Variants in KLHL3 observed in about 807,000 individuals in gnomAD.
KLHL3 encodes the protein kelch like family member 3.
KLHL3 carries 19 observed loss-of-function variants against 70.5 expected under a neutral mutation model. The ratio of observed to expected loss-of-function variants is 0.27; its 90% confidence interval spans 0.19 to 0.40. The LOEUF is 0.40. Ranked by LOEUF, KLHL3 falls within the 10% of genes least tolerant of loss-of-function variation. The pLI is 1.00. For synonymous variants in KLHL3, 258 were observed against 290.3 expected (o/e 0.89, Z 1.13); for missense variants, 512 against 771.1 (o/e 0.66, Z 3.98).
At chr5:137,733,164 C>T (rs950836149) in intron 1 of KLHL3, among the ~76,000 whole-genome samples, 6 of 152,128 alleles carry the variant, frequency 3.9e-5, no homozygotes, top group East Asian at 3.9e-4. Context: ...TGATCCTAGG[C>T]GAGTCACTCA....
chr5:137,710,418 A>G (rs1257383823), intron 2 of KLHL3, among the ~76,000 whole-genome samples: 4 of 152,074 alleles, frequency 2.6e-5, no homozygotes, highest in Non-Finnish European at 4.4e-5. Flanking sequence ...CTCCCTAAAG[A>G]CCCTGTGCAA....
rs138270268 is a variant in KLHL3 at position 137,624,665 on chromosome 5, C to T, written c.1735+1088G>A. Among the ~76,000 whole-genome samples, 21 of 152,298 alleles carry T rather than the reference C, an allele frequency of 1.4e-4. No homozygotes were observed. In the East Asian group the frequency reaches 2.9e-3, roughly 21 times the overall value. On this transcript the variant is annotated intron_variant, in intron 14 of 14. Coordinates refer to ENST00000309755, the MANE Select transcript of KLHL3 (RefSeq NM_017415.3). ...GGAATCGGAAGAATATTCCTGGAGT[C>T]GTGGTATGGATTAAAAGAGATAATG...
intron 11 of KLHL3, 150 bp from the exon 12 acceptor site, chr5:137,634,315 C>T: frequency 1.3e-6 from 1 of 791,722 alleles, no homozygotes. Context: ...TACTCCTCAA[C>T]CAAGCAAAGC....
At chr5:137,684,008 G>A (rs1332567327) in intron 5 of KLHL3, among the ~76,000 whole-genome samples, 6 of 152,184 alleles carry the variant, frequency 3.9e-5, no homozygotes, top group African/African-American at 1.4e-4. Context: ...AGAGAGGCAG[G>A]AGTGAGGCAA....
chr5:137,719,522 G>A (rs1752957307), intron 2 of KLHL3, among the ~76,000 whole-genome samples: 1 of 152,238 alleles, frequency 6.6e-6, no homozygotes, highest in Non-Finnish European at 1.5e-5. Context: ...AAGAGATCGT[G>A]TCCACAGGCT....
At chr5:137,726,916 T>C (rs1753094134) in intron 1 of KLHL3, among the ~76,000 whole-genome samples, 1 of 152,058 alleles carries the variant, frequency 6.6e-6, no homozygotes, top group Non-Finnish European at 1.5e-5. Flanking sequence ...ATACATAAAA[T>C]AGTAATTATA....
At chr5:137,721,457 T>G (rs1194715654) in intron 1 of KLHL3, 2 of 152,256 alleles carry the variant, frequency 1.3e-5, no homozygotes, top group Non-Finnish European at 2.9e-5. Flanking sequence ...TAAACAAATC[T>G]GTGTTTTAGA....
intron 5 of KLHL3, among the ~76,000 whole-genome samples, chr5:137,690,590 A>G (rs1752295829): frequency 6.6e-6 from 1 of 152,146 alleles, no homozygotes; most frequent in Non-Finnish European, 1.5e-5. Context: ...CACAAAAATC[A>G]TCATATCAAG....
rs998885435 is a variant in KLHL3, at chr5:137,617,856, C to T, written c.*4242G>A. Reference sequence around the variant, plus strand: ...AAACAAGAAGTACAACAAGGGTCCTCTATTGCCACTGAAAATGAGGGGAGG... The same window carrying T: ...AAACAAGAAGTACAACAAGGGTCCTTTATTGCCACTGAAAATGAGGGGAGG... On this transcript the variant is annotated 3_prime_UTR_variant, in exon 15 of 15. Coordinates refer to ENST00000309755, the MANE Select transcript of KLHL3 (RefSeq NM_017415.3). The T allele has an allele frequency of 6.6e-6, 1 of 152,118 alleles. No homozygotes were observed. Among genetic ancestry groups the T allele is most frequent in the African/African-American group, 2.4e-5 (1 of 41,404 alleles). 9.4% of individuals were successfully genotyped at this position (152,118 alleles called of 1,614,324 possible).
chr5:137,704,075 A>G (rs1228048253), intron 3 of KLHL3, among the ~76,000 whole-genome samples: 1 of 152,180 alleles, frequency 6.6e-6, no homozygotes, highest in African/African-American at 2.4e-5. Context: ...TGAGGATCAG[A>G]GAGGAAAGTG....
At chr5:137,704,249 G>A (rs1007334961) in intron 3 of KLHL3, among the ~76,000 whole-genome samples, 7 of 152,086 alleles carry the variant, frequency 4.6e-5, no homozygotes, top group Non-Finnish European at 1.0e-4. Context: ...GCCGGGCGCG[G>A]TGGCGGGCGC....
chr5:137,669,781 G>GA (rs1312124451), intron 6 of KLHL3, among the ~76,000 whole-genome samples: 1 of 152,156 alleles, frequency 6.6e-6, no homozygotes, highest in African/African-American at 2.4e-5. Flanking sequence ...ATGTATTACA[G>GA]AAAAAATAAA....
chr5:137,678,527 C>T lies in KLHL3; in HGVS notation c.527-873G>A, dbSNP rs988042938. On this transcript the variant is annotated intron_variant, in intron 5 of 14. Coordinates refer to ENST00000309755, the MANE Select transcript of KLHL3 (RefSeq NM_017415.3). ...GGCCAATGGCATCACTGCTATGTTG[C>T]CCAGGCTGGTCGTGATCTCCTAGGC... is the stretch of plus-strand genomic sequence containing the variant. Among the ~76,000 whole-genome samples, 3 of 152,266 alleles carry T rather than the reference C, an allele frequency of 2.0e-5. No individual in the cohort carries two copies. The South Asian group carries it at 6.2e-4, about 32-fold the overall frequency.
intron 5 of KLHL3, among the ~76,000 whole-genome samples, chr5:137,683,145 G>T (rs1464198269): frequency 6.6e-6 from 1 of 152,104 alleles, no homozygotes; most frequent in Admixed American, 6.5e-5. Flanking sequence ...TTTAACATTG[G>T]GAAGATATGT....
chr5:137,710,062 A>G (rs1050556278), intron 2 of KLHL3, among the ~76,000 whole-genome samples: 1 of 152,148 alleles, frequency 6.6e-6, no homozygotes, highest in African/African-American at 2.4e-5. Flanking sequence ...TGCTTTCCTA[A>G]GGTCCATGGA....
intron 8 of KLHL3, among the ~76,000 whole-genome samples, chr5:137,649,242 A>C (rs1751137759): frequency 1.3e-5 from 2 of 152,256 alleles, no homozygotes; most frequent in African/African-American, 4.8e-5. Flanking sequence ...GGCTAGACTT[A>C]GTGACTTGTA....
chr5:137,688,539 T>C (rs1342313679), intron 5 of KLHL3, among the ~76,000 whole-genome samples: 1 of 152,216 alleles, frequency 6.6e-6, no homozygotes, highest in East Asian at 1.9e-4. Flanking sequence ...TGCACAGGCT[T>C]CCAGGAACAT....
intron 14 of KLHL3, among the ~76,000 whole-genome samples, chr5:137,622,388 G>T (rs1243717727): frequency 6.6e-6 from 1 of 152,218 alleles, no homozygotes; most frequent in Non-Finnish European, 1.5e-5. Flanking sequence ...TCATCACATG[G>T]ACTCACTGTG....
At chr5:137,710,164 T>C (rs1359698498) in intron 2 of KLHL3, among the ~76,000 whole-genome samples, 1 of 152,142 alleles carries the variant, frequency 6.6e-6, no homozygotes, top group African/African-American at 2.4e-5. Context: ...GATTGAGAAG[T>C]AGGGGTTTTG....
Sources: gnomAD v4.1 joint callset for allele counts (sites outside exome capture counted in the v4.1 genomes callset) on GRCh38, gnomAD v4.1.1 for gene constraint, MANE v1.5 for transcripts, NCBI Gene and HGNC (gene_info 2026-07-23, HGNC 2026-07-21) for gene names.